Variants in PIGT observed in about 807,000 individuals in gnomAD.
PIGT encodes the protein phosphatidylinositol glycan anchor biosynthesis class T.
Under a neutral mutation model 66.7 loss-of-function variants are expected in PIGT, and 57 were observed. The ratio of observed to expected loss-of-function variants is 0.86; its 90% CI spans 0.69 to 1.07. PIGT has a LOEUF of 1.07. Among genes scored for constraint, PIGT ranks in the 50% least tolerant of loss-of-function variants. PIGT has a pLI of 0.00. For missense variants in PIGT, 725 were observed against 740.4 expected, an observed-to-expected ratio of 0.98 and a Z score of 0.24; for synonymous variants, 362 against 320.5, an observed-to-expected ratio of 1.13 and a Z score of -1.38.
chr20:45,418,559 A>G, intron 2 of PIGT: 1 of 381,866 alleles, frequency 2.6e-6, no homozygotes, highest in South Asian at 2.1e-5. Flanking sequence ...CCGGATCATG[A>G]AGGTAGGCAG....
chr20:45,419,909 G>A (rs1404446862), intron 5 of PIGT: 2 of 600,740 alleles, frequency 3.3e-6, no homozygotes, highest in Non-Finnish European at 5.9e-6. Flanking sequence ...ACATGACATT[G>A]ATAGTAGAAT....
intron 11 of PIGT, chr20:45,424,875 T>A: frequency 2.3e-6 from 1 of 432,658 alleles, no homozygotes; most frequent in Non-Finnish European, 4.3e-6. Context: ...CTGAGAGCAC[T>A]GAGTGTGCAA....
At chr20:45,419,633 G>A (rs1482190686) in intron 5 of PIGT, 43 bp downstream of exon 5, 3 of 1,365,954 alleles carry the variant, frequency 2.2e-6, no homozygotes, top group Non-Finnish European at 3.1e-6. Context: ...CAGGGGCTCA[G>A]AGAAGGTACA....
Position 45,416,503 on chromosome 20 carries a change from T to C in PIGT, c.188-14T>C, listed in dbSNP as rs1174696226. 1.9e-6 allele frequency: 3 copies of C among 1,612,172 alleles called. No homozygotes were observed. The highest frequency in any genetic ancestry group is 1.3e-5 in the African/African-American group (1 of 74,904). ...GAGGTGGGGATCGTCACTCACCTGC[T>C]CCCGTTTCCCCAGTGTCCCATTACA... On this transcript the variant is annotated splice_polypyrimidine_tract_variant and intron_variant, in intron 1 of 11. Transcript: ENST00000279036.
At chr20:45,422,209 A>G (rs1004620219) in intron 9 of PIGT, 3 of 152,126 alleles carry the variant, frequency 2.0e-5, no homozygotes, top group Non-Finnish European at 2.9e-5. Flanking sequence ...CAAACGGCCA[A>G]ACTTAAAAAC....
At position 45,418,873 on chromosome 20, in the gene PIGT, G is replaced by A; in HGVS notation, c.387G>A (p.Glu129=). ...CCAGTGTGGATAAATCTTGGAAGGAGCTCAGTAATGTCCTCTCAGGGATCT... is the reference window on the plus strand; with the variant it reads ...CCAGTGTGGATAAATCTTGGAAGGAACTCAGTAATGTCCTCTCAGGGATCT... The part of the protein sequence containing the change: ...TVTDVDKSWK[E]LSNVLSGIFC... Residue 129 remains glutamate, a synonymous_variant, in exon 3 of 12, where the codon GAG becomes GAA. Coordinates refer to ENST00000279036, the MANE Select transcript of PIGT (RefSeq NM_015937.6). 6.2e-7 allele frequency: 1 copy of A among 1,614,028 alleles called. No individual in the cohort carries two copies. Among genetic ancestry groups the A allele is most frequent in the South Asian group, 1.1e-5 (1 of 91,072 alleles).
Position 45,419,396 on chromosome 20 carries a change from G to T in PIGT, c.594+1G>T. Reference sequence around the variant, plus strand: ...GAAGCTCTTGCCCTGTAGTTCCAAGGTGAGGCCGCAGAGCCTGGCAGCCGG... The same window carrying T: ...GAAGCTCTTGCCCTGTAGTTCCAAGTTGAGGCCGCAGAGCCTGGCAGCCGG... On this transcript the variant is annotated splice_donor_variant, in intron 4 of 11. Coordinates refer to ENST00000279036, the MANE Select transcript of PIGT (RefSeq NM_015937.6). LOFTEE classifies it high-confidence loss of function. 6.2e-7 allele frequency: 1 copy of T among 1,612,114 alleles called. No homozygotes were observed. The highest frequency in any genetic ancestry group is 2.2e-5 in the East Asian group (1 of 44,864).
rs767895593 is a variant in PIGT at position 45,416,155 on chromosome 20, G to T, written c.-2G>T. The T allele has an allele frequency of 6.4e-7, 1 of 1,555,164 alleles. No homozygotes were observed. The highest frequency in any genetic ancestry group is 1.9e-5 in the Admixed American group (1 of 51,692). On this transcript the variant is annotated 5_prime_UTR_variant, in exon 1 of 12. Coordinates refer to ENST00000279036, the MANE Select transcript of PIGT (RefSeq NM_015937.6). The stretch of plus-strand genomic sequence containing the variant: ...GCTGGGTAGGCGGAAGTAGCCGCAG[G>T]CATGGCGGCGGCTATGCCGCTTGCT...
intron 9 of PIGT, chr20:45,422,805 T>C (rs956975083): frequency 1.3e-5 from 2 of 152,214 alleles, no homozygotes; most frequent in African/African-American, 4.8e-5. Flanking sequence ...AATGTAACCG[T>C]ATCATTACCA....
chr20:45,419,824 A>G (rs1426932045), intron 5 of PIGT: 4 of 600,524 alleles, frequency 6.7e-6, no homozygotes, highest in Non-Finnish European at 1.2e-5. Flanking sequence ...TGCAATTGCT[A>G]GCTCAGTCAC....
rs1231861654 is a variant in PIGT at position 45,416,688 on chromosome 20, T to G, written c.359T>G (p.Val120Gly). The change falls in exon 2 of 12, where the codon GTC (valine) becomes GGC (glycine). Residue 120 changes from valine (V) to glycine (G), a missense_variant. Val to Gly is a moderately radical substitution (Grantham distance 109, BLOSUM62 -3). Coordinates refer to ENST00000279036, the MANE Select transcript of PIGT (RefSeq NM_015937.6). Reference protein sequence around the residue: ...AELWVWFQDTVTDVDKSWKEL... With the variant: ...AELWVWFQDTGTDVDKSWKEL... ...CTGTGGGTCTGGTTCCAAGACACTG[T>G]CACTGAGTGAGTGCACACCTTGGGC... The G allele has an allele frequency of 1.2e-6, 2 of 1,612,542 alleles. No individual in the cohort carries two copies. Among genetic ancestry groups the G allele is most frequent in the Non-Finnish European group, 1.7e-6 (2 of 1,179,616 alleles).
chr20:45,425,668 A>G lies in PIGT; in HGVS notation c.1579A>G (p.Asn527Asp). ...LPTPDFSMPY[N>D]VICLTCTVVA... ...GACACCGGACTTCAGCATGCCCTAC[A>G]ACGTGATCTGCCTCACGTGCACTGT... The change falls in exon 12 of 12, where the codon AAC becomes GAC. Residue 527 changes from asparagine to aspartate, a missense_variant. Around this residue, in one of 3 missense-constraint regions of PIGT, gnomAD observed 162 missense variants for 171.1 expected, o/e 0.95. Coordinates refer to ENST00000279036, the MANE Select transcript of PIGT (RefSeq NM_015937.6). 6.2e-7 allele frequency: 1 copy of G among 1,614,086 alleles called. No individual in the cohort carries two copies. Among genetic ancestry groups the G allele is most frequent in the Non-Finnish European group, 8.5e-7 (1 of 1,179,998 alleles).
chr20:45,419,454 T>C (rs376282102), intron 4 of PIGT, 50 bp from the exon 5 acceptor site: 5 of 1,609,476 alleles, frequency 3.1e-6, no homozygotes, highest in African/African-American at 1.3e-5. Context: ...CTGCGCCCCA[T>C]GCCAAGTGCT....
At chr20:45,418,048 T>C (rs1990097332) in intron 2 of PIGT, 1 of 152,308 alleles carries the variant, frequency 6.6e-6, no homozygotes, top group Non-Finnish European at 1.5e-5. Flanking sequence ...TTAAGTTTTA[T>C]GCTTTCTCTA....
chr20:45,418,020 A>G (rs1990096224), intron 2 of PIGT: 1 of 152,198 alleles, frequency 6.6e-6, no homozygotes, highest in African/African-American at 2.4e-5. Flanking sequence ...AAATGCTTAG[A>G]ATTCTTTCTA....
intron 11 of PIGT, 151 bp from the exon 12 acceptor site, chr20:45,425,423 A>C: frequency 2.3e-6 from 1 of 443,312 alleles, no homozygotes; most frequent in Non-Finnish European, 3.8e-6. Flanking sequence ...TATCAGGTTT[A>C]GAGATTGAGC....
chr20:45,418,276 G>C (rs1990115833), intron 2 of PIGT: 1 of 177,372 alleles, frequency 5.6e-6, no homozygotes, highest in African/African-American at 2.4e-5. Context: ...CACATTCAAG[G>C]AAGATCAGTG....
In PIGT at chr20:45,416,172, C is replaced by T. The variant is rs868289408; in HGVS notation, c.16C>T (p.Pro6Ser). The T allele has an allele frequency of 3.2e-6, 5 of 1,572,282 alleles. No individual in the cohort carries two copies. Among genetic ancestry groups the T allele is most frequent in the South Asian group, 2.3e-5 (2 of 86,326 alleles). The change falls in exon 1 of 12, where the codon CCG (proline) becomes TCG (serine). Residue 6 changes from proline (P) to serine (S), a missense_variant. Physicochemically the swap from Pro to Ser is moderately conservative, Grantham distance 74. Around this residue, in one of 3 missense-constraint regions of PIGT, gnomAD observed 559 missense variants for 552.7 expected, o/e 1.01. Coordinates refer to ENST00000279036, the MANE Select transcript of PIGT (RefSeq NM_015937.6). ...AGCCGCAGGCATGGCGGCGGCTATG[C>T]CGCTTGCTCTGCTCGTCCTGTTGCT... The part of the protein sequence containing the change: MAAAM[P>S]LALLVLLLLG...
At position 45,420,289 on chromosome 20, in the gene PIGT, G is replaced by T. The variant is rs544502973; in HGVS notation, c.770-43G>T. 5.6e-6 allele frequency: 9 copies of T among 1,594,146 alleles called. No individual in the cohort carries two copies. In the Admixed American group the frequency reaches 1.2e-4, roughly 21 times the overall value. ...GCCCTGCCTTATCTATGTGGACTAG[G>T]CCTAGGCCTGGCCCCTGCTCAGCCC... On this transcript the variant is annotated intron_variant, in intron 6 of 11. Coordinates refer to ENST00000279036, the MANE Select transcript of PIGT (RefSeq NM_015937.6).
Sources: allele counts gnomAD v4.1 joint callset, GRCh38; gene constraint gnomAD v4.1.1; regional missense constraint gnomAD v4.1.1; transcripts MANE v1.5; gene names NCBI Gene and HGNC (gene_info 2026-07-23, HGNC 2026-07-21).